SLC35F4: variants seen among roughly 807,000 people sequenced by gnomAD.
SLC35F4 encodes the protein chromosome 14 open reading frame 36.
Under a neutral mutation model 44.2 loss-of-function variants are expected in SLC35F4, and 24 were observed. That is an observed-to-expected ratio of 0.54 (90% CI 0.39 to 0.76). The LOEUF (loss-of-function observed/expected upper bound fraction) is 0.76, where lower values mean the gene tolerates loss of function less well. Among genes scored for constraint, SLC35F4 ranks in the 30% least tolerant of loss-of-function variants. The probability of loss-of-function intolerance (pLI) is 0.00; values close to 1 mark genes in which losing one functional copy is unlikely to be tolerated. For missense variants in SLC35F4, 562 were observed against 586.1 expected, an observed-to-expected ratio of 0.96 and a Z score of 0.42; for synonymous variants, 238 against 223.6, an observed-to-expected ratio of 1.06 and a Z score of -0.57.
At chr14:57,600,010 C>T (rs2070721361) in intron 1 of SLC35F4, among the ~76,000 whole-genome samples, 1 of 152,024 alleles carries the variant, frequency 6.6e-6, no homozygotes, top group Non-Finnish European at 1.5e-5. Flanking sequence ...GTTCAGACCC[C>T]AGAGAAAGTT....
intron 1 of SLC35F4, among the ~76,000 whole-genome samples, chr14:57,946,787 A>T (rs764985409): frequency 4.0e-5 from 6 of 151,756 alleles, no homozygotes; most frequent in Non-Finnish European, 7.4e-5. Flanking sequence ...ATTTGGCTTT[A>T]TTTCTGGGTT....
chr14:57,741,236 C>T (rs951986963), intron 1 of SLC35F4, among the ~76,000 whole-genome samples: 13 of 152,202 alleles, frequency 8.5e-5, no homozygotes, highest in African/African-American at 1.4e-4. Flanking sequence ...CGGAGAATGA[C>T]TTTGACGAGT....
At chr14:57,937,652 A>AAAGAG (rs1202181652) in intron 1 of SLC35F4, among the ~76,000 whole-genome samples, 6 of 130,566 alleles carry the variant, frequency 4.6e-5, no homozygotes, top group Admixed American at 3.0e-4. Flanking sequence ...AAAGAAAAGA[A>AAAGAG]AAAAGAAAAG....
intron 1 of SLC35F4, among the ~76,000 whole-genome samples, chr14:57,611,229 T>TA (rs2071477449): frequency 6.6e-6 from 1 of 151,758 alleles, no homozygotes; most frequent in African/African-American, 2.4e-5. Flanking sequence ...GAGAAGGAAA[T>TA]AAAGTTTAAA....
At chr14:57,686,250 C>T (rs2075064353) in intron 1 of SLC35F4, among the ~76,000 whole-genome samples, 1 of 152,094 alleles carries the variant, frequency 6.6e-6, no homozygotes, top group South Asian at 2.1e-4. Flanking sequence ...TTTGAAAATG[C>T]CTTAATGTTA....
chr14:57,573,391 G>A (rs2068612548), intron 4 of SLC35F4, among the ~76,000 whole-genome samples: 2 of 152,268 alleles, frequency 1.3e-5, no homozygotes, highest in South Asian at 4.1e-4. Context: ...TTATCCAGGA[G>A]GCTGCTTGAT....
chr14:57,946,066 C>T (rs1693409043), intron 1 of SLC35F4, among the ~76,000 whole-genome samples: 2 of 152,134 alleles, frequency 1.3e-5, no homozygotes, highest in African/African-American at 4.8e-5. Context: ...TTCTCCCATT[C>T]TGTGGGTTCT....
chr14:57,939,715 A>G (rs1889881289), intron 1 of SLC35F4, among the ~76,000 whole-genome samples: 1 of 152,232 alleles, frequency 6.6e-6, no homozygotes, highest in Non-Finnish European at 1.5e-5. Flanking sequence ...GGACAGTTAA[A>G]TCATTTTCCC....
chr14:57,706,437 C>T (rs2075678756), intron 1 of SLC35F4, among the ~76,000 whole-genome samples: 1 of 152,108 alleles, frequency 6.6e-6, no homozygotes, highest in Non-Finnish European at 1.5e-5. Flanking sequence ...GGCCATGTTG[C>T]AGGCCTGTGT....
At chr14:57,673,123 G>T (rs1461742489) in intron 1 of SLC35F4, among the ~76,000 whole-genome samples, 32 of 152,050 alleles carry the variant, frequency 2.1e-4, no homozygotes, top group Admixed American at 1.9e-3. Flanking sequence ...ATTATATGAA[G>T]ATTATAAATC....
chr14:57,880,072 GGAAGGAAGGA>G (rs1888496579), intron 1 of SLC35F4, among the ~76,000 whole-genome samples: 1 of 126,768 alleles, frequency 7.9e-6, no homozygotes. Context: ...AAGGAAGGAA[GGAAGGAAGGA>G]AGGAAGGAAG....
chr14:57,623,493 T>C (rs566633047), intron 1 of SLC35F4, among the ~76,000 whole-genome samples: 1 of 152,308 alleles, frequency 6.6e-6, no homozygotes, highest in East Asian at 1.9e-4. Context: ...CCACCCCAAA[T>C]TAACAGAATA....
chr14:57,700,498 C>T (rs539156976), intron 1 of SLC35F4, among the ~76,000 whole-genome samples: 4 of 152,218 alleles, frequency 2.6e-5, no homozygotes, highest in African/African-American at 9.6e-5. Flanking sequence ...AAAATTCTTT[C>T]ATTAATAATA....
At chr14:57,870,178 C>G (rs992422189), upstream of SLC35F4, among the ~76,000 whole-genome samples, 1 of 139,072 alleles carries the variant, frequency 7.2e-6, no homozygotes, top group African/African-American at 3.4e-5. Flanking sequence ...CCCTGTGTCT[C>G]CCTCTCTCTC....
chr14:57,925,511 G>GAGGA (rs1566930979), intron 1 of SLC35F4, among the ~76,000 whole-genome samples: 1 of 54,268 alleles, frequency 1.8e-5, no homozygotes, highest in Non-Finnish European at 3.4e-5. Context: ...GGGAGGGAGG[G>GAGGA]AGGGAGGGAG....
chr14:57,655,183 C>T (rs927046731), intron 1 of SLC35F4, among the ~76,000 whole-genome samples: 4 of 151,902 alleles, frequency 2.6e-5, no homozygotes, highest in African/African-American at 9.7e-5. Context: ...TTCTTTTCAC[C>T]CTACTCAGTC....
At chr14:57,624,581 C>A (rs189162356) in intron 1 of SLC35F4, among the ~76,000 whole-genome samples, 2 of 152,258 alleles carry the variant, frequency 1.3e-5, no homozygotes, top group Admixed American at 1.3e-4. Context: ...CCAAATCCAG[C>A]AGCACATCAA....
intron 1 of SLC35F4, among the ~76,000 whole-genome samples, chr14:57,610,697 A>T (rs1412516166): frequency 6.6e-6 from 1 of 152,200 alleles, no homozygotes; most frequent in East Asian, 1.9e-4. Context: ...CTGGCACAGA[A>T]AACCTGGGGT....
At chr14:57,829,449 G>A (rs1422109812) in intron 1 of SLC35F4, among the ~76,000 whole-genome samples, 1 of 152,180 alleles carries the variant, frequency 6.6e-6, no homozygotes, top group Non-Finnish European at 1.5e-5. Context: ...CTACCACTGA[G>A]GAAAGCTATT....
Sources: gnomAD v4.1 joint callset for allele counts (sites outside exome capture counted in the v4.1 genomes callset) on GRCh38, gnomAD v4.1.1 for gene constraint, MANE v1.5 for transcripts, NCBI Gene and HGNC (gene_info 2026-07-23, HGNC 2026-07-21) for gene names.